Variants in NNT observed in about 807,000 individuals in gnomAD.
The protein encoded by NNT is NAD(P) transhydrogenase, mitochondrial.
Under a neutral mutation model 104.8 loss-of-function variants are expected in NNT, and 50 were observed. The ratio of observed to expected loss-of-function variants is 0.48; its 90% CI spans 0.38 to 0.60. The LOEUF (loss-of-function observed/expected upper bound fraction) is 0.60, where lower values mean the gene tolerates loss of function less well. Among genes scored for constraint, NNT ranks in the 20% least tolerant of loss-of-function variants. The pLI, the probability that NNT is intolerant of heterozygous loss-of-function variation, is 0.00. For missense variants in NNT, 1,131 were observed against 1,330.7 expected, an observed-to-expected ratio of 0.85 and a Z score of 2.33; for synonymous variants, 461 against 490.4, an observed-to-expected ratio of 0.94 and a Z score of 0.79.
intron 19 of NNT, among the ~76,000 whole-genome samples, chr5:43,697,820 A>G (rs1742634758): frequency 6.6e-6 from 1 of 152,186 alleles, no homozygotes; most frequent in African/African-American, 2.4e-5. Context: ...TTATAAAATC[A>G]TCAGGTCTTG....
At chr5:43,632,775 C>G (rs1750743885) in intron 7 of NNT, among the ~76,000 whole-genome samples, 1 of 152,192 alleles carries the variant, frequency 6.6e-6, no homozygotes, top group African/African-American at 2.4e-5. Context: ...AGGCTGTGCT[C>G]ATAATCTTTT....
At chr5:43,628,744 G>T (rs982398664) in intron 7 of NNT, among the ~76,000 whole-genome samples, 1 of 152,092 alleles carries the variant, frequency 6.6e-6, no homozygotes, top group Non-Finnish European at 1.5e-5. Flanking sequence ...CCACCACCAC[G>T]TCTGGTTAAT....
At chr5:43,665,917 G>A (rs1158742973) in intron 17 of NNT, among the ~76,000 whole-genome samples, 1 of 151,930 alleles carries the variant, frequency 6.6e-6, no homozygotes, top group Admixed American at 6.6e-5. Flanking sequence ...CCCGGACGGG[G>A]TGGCGGCGGG....
At chr5:43,668,149 G>A (rs765894864) in intron 17 of NNT, among the ~76,000 whole-genome samples, 3 of 151,800 alleles carry the variant, frequency 2.0e-5, no homozygotes, top group Non-Finnish European at 4.4e-5. Context: ...GTTTGGTTTA[G>A]TTCTTTGTAG....
chr5:43,627,902 C>T (rs1049746613), intron 6 of NNT, among the ~76,000 whole-genome samples: 6 of 152,132 alleles, frequency 3.9e-5, no homozygotes, highest in African/African-American at 1.4e-4. Context: ...TCATCCACAT[C>T]GGGGTCATAA....
At chr5:43,647,933 G>C in intron 10 of NNT, 1 of 462,328 alleles carries the variant, frequency 2.2e-6, no homozygotes, top group African/African-American at 2.0e-5. Flanking sequence ...GATGAAGACA[G>C]AGAGGGTTGA....
rs1014891447 is a variant in NNT, at chr5:43,706,179, G to C, written c.*1775G>C. The C allele has an allele frequency of 1.3e-5, 2 of 151,166 alleles. No homozygotes were observed. The highest frequency in any genetic ancestry group is 4.8e-5 in the African/African-American group (2 of 41,362). The allele number at this position is 151,166 out of a possible 1,614,324, so 9.4% of individuals were successfully genotyped here. A position where few individuals can be genotyped will look rare whatever the true frequency, so the allele number is the denominator to read the frequency against. ...TAAATGAATTGAAAATTCATGCCCTGTTCATTTTATTTTACTTTATTGGTT... is the reference window on the plus strand; with the variant it reads ...TAAATGAATTGAAAATTCATGCCCTCTTCATTTTATTTTACTTTATTGGTT... On this transcript the variant is annotated 3_prime_UTR_variant, in exon 22 of 22. Coordinates refer to ENST00000344920, the MANE Select transcript of NNT (RefSeq NM_182977.3).
chr5:43,647,660 C>T (rs1344578666), intron 10 of NNT, among the ~76,000 whole-genome samples: 6 of 152,136 alleles, frequency 3.9e-5, no homozygotes, highest in South Asian at 4.1e-4. Context: ...GTCTGACATA[C>T]GTTACTAAAT....
chr5:43,681,259 CA>C (rs559273026), intron 19 of NNT, among the ~76,000 whole-genome samples: 7,700 of 58,690 alleles, frequency 0.13, 202 homozygotes, highest in African/African-American at 0.25. Context: ...GGCTCCTTCT[CA>C]AAAAAAAAAA....
intron 19 of NNT, among the ~76,000 whole-genome samples, chr5:43,693,552 T>A (rs549080027): frequency 3.1e-4 from 47 of 152,222 alleles, no homozygotes; most frequent in African/African-American, 9.6e-5. Context: ...TGAATATAGC[T>A]TGTATTACTA....
In NNT at chr5:43,651,183, G is replaced by A. The variant is rs184982634; in HGVS notation, c.1718-556G>A. Among the ~76,000 whole-genome samples the A allele has an allele frequency of 1.4e-3, 206 of 152,024 alleles. 1 individual carries two copies. The highest frequency in any genetic ancestry group is 3.4e-3 in the Middle Eastern group (1 of 294). On this transcript the variant is annotated intron_variant, in intron 12 of 21. Transcript: ENST00000344920. ...ATGGCTTTTTTTTCCTTTTAGTCAT[G>A]CAGAAATAGTTTTGCATTCTGATAG...
At chr5:43,613,611 G>C (rs1463131918) in intron 3 of NNT, 2 of 153,048 alleles carry the variant, frequency 1.3e-5, no homozygotes, top group African/African-American at 2.4e-5. Flanking sequence ...TTTGGGCTGA[G>C]TGGCGAGTAG....
chr5:43,670,322 G>T (rs943793106), intron 17 of NNT, among the ~76,000 whole-genome samples: 5 of 151,854 alleles, frequency 3.3e-5, no homozygotes, highest in Admixed American at 3.3e-4. Flanking sequence ...GACTCCTGTA[G>T]GCTTTTGAAT....
chr5:43,642,705 G>A (rs1035543072), intron 7 of NNT, among the ~76,000 whole-genome samples: 1 of 152,198 alleles, frequency 6.6e-6, no homozygotes, highest in Non-Finnish European at 1.5e-5. Context: ...AGTCCCAGGA[G>A]CCTTAGGATT....
At chr5:43,690,628 C>T (rs1448087212) in intron 19 of NNT, among the ~76,000 whole-genome samples, 15 of 152,268 alleles carry the variant, frequency 9.9e-5, no homozygotes, top group Non-Finnish European at 2.1e-4. Context: ...TCCTGGGCTC[C>T]CTCTAAGCTG....
intron 2 of NNT, among the ~76,000 whole-genome samples, chr5:43,610,938 A>G (rs1057294274): frequency 3.9e-5 from 6 of 152,204 alleles, no homozygotes; most frequent in Admixed American, 2.6e-4. Flanking sequence ...TATCTCTGAA[A>G]GATAAGAAGT....
chr5:43,633,204 G>C (rs1338984196), intron 7 of NNT, among the ~76,000 whole-genome samples: 1 of 152,192 alleles, frequency 6.6e-6, no homozygotes, highest in Admixed American at 6.5e-5. Context: ...CATCTAAACT[G>C]AACAGAGTTG....
chr5:43,677,510 A>T (rs1741482612), intron 18 of NNT, among the ~76,000 whole-genome samples: 1 of 152,154 alleles, frequency 6.6e-6, no homozygotes, highest in Non-Finnish European at 1.5e-5. Context: ...AGCATGAGAC[A>T]CTACAGAAGA....
At chr5:43,630,040 C>T (rs891920057) in intron 7 of NNT, among the ~76,000 whole-genome samples, 7 of 152,146 alleles carry the variant, frequency 4.6e-5, no homozygotes, top group Non-Finnish European at 1.5e-5. Context: ...GTCATGAACT[C>T]TTTGCCCAAG....
Sources: allele counts gnomAD v4.1 joint callset (sites outside exome capture counted in the v4.1 genomes callset), GRCh38; gene constraint gnomAD v4.1.1; transcripts MANE v1.5; gene names NCBI Gene and HGNC (gene_info 2026-07-23, HGNC 2026-07-21).